The following MSN variants were observed in gnomAD, a reference collection of about 807,000 sequenced individuals.
MSN encodes the protein moesin, also known as epididymis luminal protein 70.
Under a neutral mutation model 48.0 loss-of-function variants are expected in MSN, and 2 were observed. The ratio of observed to expected loss-of-function variants is 0.04; its 90% CI spans 0.02 to 0.13. MSN has a LOEUF of 0.13. Among genes scored for constraint, MSN ranks in the 10% least tolerant of loss-of-function variants. The pLI is 1.00. For missense variants in MSN, 267 were observed against 470.1 expected, an observed-to-expected ratio of 0.57 and a Z score of 3.99; for synonymous variants, 146 against 166.9, an observed-to-expected ratio of 0.87 and a Z score of 0.97.
intron 1 of MSN, among the ~76,000 whole-genome samples, chrX:65,668,666 G>C (rs941577978): frequency 7.2e-5 from 8 of 111,887 alleles, no homozygotes; most frequent in South Asian, 3.7e-4. Context: ...TGGCTGTTAC[G>C]AGAGGAACAG....
At chrX:65,709,981 C>T (rs1167226260) in intron 1 of MSN, among the ~76,000 whole-genome samples, 1 of 111,997 alleles carries the variant, frequency 8.9e-6, no homozygotes, top group East Asian at 2.8e-4. Context: ...CAATGCCCTC[C>T]ACTTATCTTC....
chrX:65,689,682 T>C (rs2071153972), intron 1 of MSN, among the ~76,000 whole-genome samples: 1 of 111,363 alleles, frequency 9.0e-6, no homozygotes, highest in Middle Eastern at 4.6e-3. Flanking sequence ...CTTGTCACCA[T>C]TCCCTCTGTG....
At chrX:65,727,468 G>C (rs182075739) in intron 2 of MSN, among the ~76,000 whole-genome samples, 2 of 112,031 alleles carry the variant, frequency 1.8e-5, no homozygotes, top group Admixed American at 9.4e-5. Flanking sequence ...ACTTGGGCAA[G>C]TTATTTCATT....
In MSN at chrX:65,684,032, C is replaced by T. The variant is rs1428348370; in HGVS notation, c.12+16179C>T. ...CTTGGCTCACTGCAACCTCCGCCTC[C>T]CAGGTTCAAGTGATTCTCATGCCTC... is the stretch of plus-strand genomic sequence containing the variant. On this transcript the variant is annotated intron_variant, in intron 1 of 12. Transcript: ENST00000360270. Among the ~76,000 whole-genome samples the T allele has an allele frequency of 2.8e-5, 3 of 107,180 alleles. No individual in the cohort carries two copies. In the Admixed American group the frequency reaches 3.0e-4, roughly 11 times the overall value. 93.1% of individuals were successfully genotyped at this position (107,180 alleles called of 115,157 possible). A position where few individuals can be genotyped will look rare whatever the true frequency, so the allele number is the denominator to read the frequency against.
chrX:65,626,830 G>A (rs1024398220), intron 1 of MSN, among the ~76,000 whole-genome samples: 5 of 111,319 alleles, frequency 4.5e-5, no homozygotes, highest in African/African-American at 6.6e-5. Flanking sequence ...AAGTGCCTGT[G>A]TCAGTCTTTC....
At position 65,716,725 on chromosome X, in the gene MSN, C is replaced by T. The variant is rs1052494188; in HGVS notation, c.13-93C>T. On this transcript the variant is annotated intron_variant, in intron 1 of 12. Coordinates refer to ENST00000360270, the MANE Select transcript of MSN (RefSeq NM_002444.3). ...GTTGCCCAGGCTCTTAGCATCCTAA[C>T]TCCTTCCTCTGTGGTTGAGCAGAGA... The T allele has an allele frequency of 3.8e-6, 3 of 793,524 alleles. No homozygotes were observed. The Admixed American group carries it at 7.2e-5, about 19-fold the overall frequency. The allele number at this position is 793,524 out of a possible 1,213,427, so 65.4% of individuals were successfully genotyped here.
At chrX:65,699,665 C>G (rs926082681) in intron 1 of MSN, among the ~76,000 whole-genome samples, 11 of 103,098 alleles carry the variant, frequency 1.1e-4, no homozygotes, top group African/African-American at 3.6e-4. Flanking sequence ...AGGAGAATGG[C>G]GTGAACCCAG....
At chrX:65,654,630 C>G (rs1014189430) in intron 1 of MSN, among the ~76,000 whole-genome samples, 1 of 111,145 alleles carries the variant, frequency 9.0e-6, no homozygotes, top group South Asian at 3.8e-4. Context: ...GGCACTTTCT[C>G]TCTCTCTCTT....
chrX:65,705,623 A>AT (rs1159714815), intron 1 of MSN, among the ~76,000 whole-genome samples: 3 of 111,649 alleles, frequency 2.7e-5, no homozygotes, highest in Non-Finnish European at 5.7e-5. Context: ...ACTGTTTCTG[A>AT]TTTTTTTCTT....
At chrX:65,633,078 G>A (rs1256631758) in intron 1 of MSN, among the ~76,000 whole-genome samples, 1 of 111,597 alleles carries the variant, frequency 9.0e-6, no homozygotes, top group African/African-American at 3.3e-5. Flanking sequence ...ATTTAATATG[G>A]CTGTAGGTTA....
chrX:65,707,714 A>G (rs1442179661), intron 1 of MSN, among the ~76,000 whole-genome samples: 2 of 112,473 alleles, frequency 1.8e-5, no homozygotes, highest in African/African-American at 6.5e-5. Flanking sequence ...CTAGGCCCGA[A>G]AAGAAGACCA....
At chrX:65,661,777 T>C (rs1261135283) in intron 1 of MSN, among the ~76,000 whole-genome samples, 1 of 111,932 alleles carries the variant, frequency 8.9e-6, no homozygotes, top group African/African-American at 3.2e-5. Flanking sequence ...CCCAGCACTT[T>C]GGAAAGTTGA....
At chrX:65,673,629 TG>T in intron 1 of MSN, among the ~76,000 whole-genome samples, 1 of 111,600 alleles carries the variant, frequency 9.0e-6, no homozygotes, top group Non-Finnish European at 1.9e-5. Flanking sequence ...TAATTTTGTA[TG>T]GGGTACAGCA....
chrX:65,625,639 A>G (rs752337822), intron 1 of MSN: 1 of 111,552 alleles, frequency 9.0e-6, no homozygotes, highest in South Asian at 3.7e-4. Flanking sequence ...TTTATGTTCA[A>G]CCTATTTGTG....
chrX:65,695,426 G>A (rs747341349), intron 1 of MSN, among the ~76,000 whole-genome samples: 6 of 106,573 alleles, frequency 5.6e-5, no homozygotes, highest in African/African-American at 2.1e-4. Flanking sequence ...CTTGAACCTG[G>A]GAGGTGGAAG....
chrX:65,612,816 G>C (rs764635129), intron 1 of MSN, among the ~76,000 whole-genome samples: 1 of 108,086 alleles, frequency 9.3e-6, no homozygotes, highest in African/African-American at 3.4e-5. Context: ...AAAAGTGCTA[G>C]GATTACAGGT....
intron 1 of MSN, chrX:65,589,889 G>C (rs1268254836): frequency 9.4e-6 from 1 of 106,451 alleles, no homozygotes; most frequent in African/African-American, 3.5e-5. Context: ...TTCTGAGATG[G>C]AATTTCGCTC....
At chrX:65,591,221 T>C (rs1396827061) in intron 1 of MSN, among the ~76,000 whole-genome samples, 1 of 111,773 alleles carries the variant, frequency 8.9e-6, no homozygotes. Context: ...TCTTATCCTT[T>C]GGCTTGCTCT....
chrX:65,650,394 G>T (rs990543674), intron 1 of MSN, among the ~76,000 whole-genome samples: 1 of 111,922 alleles, frequency 8.9e-6, no homozygotes, highest in Non-Finnish European at 1.9e-5. Context: ...AGCCATCAAG[G>T]GTTCCTTTTC....
Sources: gnomAD v4.1 joint callset for allele counts (sites outside exome capture counted in the v4.1 genomes callset) on GRCh38, gnomAD v4.1.1 for gene constraint, MANE v1.5 for transcripts, NCBI Gene and HGNC (gene_info 2026-07-23, HGNC 2026-07-21) for gene names.